The following CAMKK2 variants were observed in gnomAD, a reference collection of about 807,000 sequenced individuals.
The protein encoded by CAMKK2 is calcium/calmodulin dependent protein kinase kinase 2, also known as calcium/calmodulin-dependent protein kinase kinase 2.
In CAMKK2, 30 loss-of-function variants were observed where a neutral mutation model predicts 67.2. The ratio of observed to expected loss-of-function variants is 0.45; its 90% CI spans 0.33 to 0.61. CAMKK2 has a LOEUF of 0.61. Among genes scored for constraint, CAMKK2 ranks in the 20% least tolerant of loss-of-function variants. CAMKK2 has a pLI of 0.02. For missense variants in CAMKK2, 643 were observed against 802.0 expected, an observed-to-expected ratio of 0.80 and a Z score of 2.39; for synonymous variants, 322 against 326.2, an observed-to-expected ratio of 0.99 and a Z score of 0.14.
At chr12:121,269,760 A>G (rs751450961) in intron 3 of CAMKK2, 179 bp from the exon 4 acceptor site, 4 of 604,282 alleles carry the variant, frequency 6.6e-6, no homozygotes, top group Non-Finnish European at 1.2e-5. Context: ...AAAAACAGAA[A>G]GATCTGGGCG....
In CAMKK2 at chr12:121,240,523, C is replaced by T. The variant is rs868684049; in HGVS notation, c.*176G>A. The T allele has an allele frequency of 1.4e-6, 2 of 1,407,096 alleles. No individual in the cohort carries two copies. Among genetic ancestry groups the T allele is most frequent in the Non-Finnish European group, 1.9e-6 (2 of 1,052,364 alleles). The allele number at this position is 1,407,096 out of a possible 1,614,324, so 87.2% of individuals were successfully genotyped here. A position where few individuals can be genotyped will look rare whatever the true frequency, so the allele number is the denominator to read the frequency against. On this transcript the variant is annotated 3_prime_UTR_variant, in exon 17 of 17. Coordinates refer to ENST00000404169, the MANE Select transcript of CAMKK2 (RefSeq NM_001270485.2). The surrounding 1 kb of genome is among the most constrained non-coding windows in gnomAD (Gnocchi z 4.4). ...CACGGTCGACGTCATGGAGTCAAGT[C>T]CTTTTTTTTTTTTTGTCCCCTTTAA... is the stretch of plus-strand genomic sequence containing the variant.
chr12:121,257,948 CAG>C (rs1232088411), intron 7 of CAMKK2, among the ~76,000 whole-genome samples: 4 of 151,784 alleles, frequency 2.6e-5, no homozygotes, highest in Admixed American at 1.3e-4. Flanking sequence ...CAGTCGCTAA[CAG>C]TTCAACCACT....
upstream of CAMKK2, chr12:121,297,629 T>G (rs778991221): frequency 3.3e-5 from 17 of 517,334 alleles, 1 homozygote; most frequent in South Asian, 2.2e-4. Flanking sequence ...GAGGGCTCCC[T>G]GAACCGTCCT....
At chr12:121,250,666 C>T (rs773877885) in intron 11 of CAMKK2, among the ~76,000 whole-genome samples, 23 of 152,166 alleles carry the variant, frequency 1.5e-4, no homozygotes, top group Non-Finnish European at 2.8e-4. Context: ...CGTTATCGTA[C>T]AGATTTGTTT....
Position 121,253,217 on chromosome 12 carries a change from A to G in CAMKK2, c.1107+56T>C, listed in dbSNP as rs1891140092. On this transcript the variant is annotated intron_variant, in intron 10 of 16. Transcript: ENST00000404169. This position sits in a 1 kb window ranked among gnomAD's most constrained non-coding sequence, Gnocchi z 5.0. The stretch of plus-strand genomic sequence containing the variant: ...GTGCGTTGGGTTTCTGCTGCTTACA[A>G]TCCAGAAGACACTAACACAGGCAGA... The G allele has an allele frequency of 2.0e-6, 3 of 1,506,878 alleles. No individual in the cohort carries two copies. The highest frequency in any genetic ancestry group is 2.3e-5 in the East Asian group (1 of 44,264). 93.3% of individuals were successfully genotyped at this position (1,506,878 alleles called of 1,614,324 possible).
intron 2 of CAMKK2, among the ~76,000 whole-genome samples, chr12:121,273,495 A>G (rs1566104399): frequency 1.3e-5 from 2 of 152,044 alleles, no homozygotes; most frequent in Admixed American, 6.6e-5. Context: ...GTCCTGTGAG[A>G]AATGCACAGC....
chr12:121,237,934 C>A lies in CAMKK2; in HGVS notation c.*2765G>T, dbSNP rs995011367. On this transcript the variant is annotated 3_prime_UTR_variant, in exon 17 of 17. Transcript: ENST00000404169. The surrounding 1 kb of genome is among the most constrained non-coding windows in gnomAD (Gnocchi z 4.5). The stretch of plus-strand genomic sequence containing the variant: ...AAATCTGCAGTCCCCAGAAACTCGG[C>A]CTCCAGCTGGAGAGGGGAACCAGCG... 1 of 152,620 alleles carries A rather than the reference C, an allele frequency of 6.6e-6. No individual in the cohort carries two copies. The allele number at this position is 152,620 out of a possible 1,614,324, so 9.5% of individuals were successfully genotyped here. A position where few individuals can be genotyped will look rare whatever the true frequency, so the allele number is the denominator to read the frequency against.
chr12:121,292,775 C>T (rs1434871801), intron 1 of CAMKK2, among the ~76,000 whole-genome samples: 1 of 152,078 alleles, frequency 6.6e-6, no homozygotes, highest in Non-Finnish European at 1.5e-5. Flanking sequence ...CGAGACCAGC[C>T]TGGGCAAAAT....
At chr12:121,269,498 G>A (rs1169953356) in intron 4 of CAMKK2, 30 bp downstream of exon 4, 1 of 1,556,736 alleles carries the variant, frequency 6.4e-7, no homozygotes, top group South Asian at 1.1e-5. Flanking sequence ...GGATAAGGAT[G>A]GGGGCAGGGA....
chr12:121,256,273 G>A (rs1892271415), intron 7 of CAMKK2, among the ~76,000 whole-genome samples: 1 of 152,160 alleles, frequency 6.6e-6, no homozygotes, highest in Non-Finnish European at 1.5e-5. Flanking sequence ...CAGCTACTTG[G>A]GAGGCTGAGG....
chr12:121,293,488 G>GC (rs111931060), intron 1 of CAMKK2, among the ~76,000 whole-genome samples: 34,066 of 151,732 alleles, frequency 0.22, 8,378 homozygotes, highest in African/African-American at 0.62. Flanking sequence ...CATATAAAGA[G>GC]GCTTCCATAA....
intron 13 of CAMKK2, among the ~76,000 whole-genome samples, chr12:121,249,021 T>C (rs555483219): frequency 1.4e-3 from 207 of 152,366 alleles, no homozygotes; most frequent in African/African-American, 4.8e-3. Flanking sequence ...CTTGCCTGGC[T>C]GCCCAAGGAG....
intron 4 of CAMKK2, 152 bp from the exon 5 acceptor site, chr12:121,268,841 C>T: frequency 1.4e-6 from 1 of 708,064 alleles, no homozygotes. Flanking sequence ...GTGAGCCCCT[C>T]ATTACCAGAG....
intron 9 of CAMKK2, among the ~76,000 whole-genome samples, chr12:121,254,760 G>A (rs1315349487): frequency 1.3e-5 from 2 of 152,184 alleles, no homozygotes; most frequent in Admixed American, 1.3e-4. Context: ...GGCTCGCCTG[G>A]ACCATGGCCA....
At chr12:121,293,001 C>T (rs148950708) in intron 1 of CAMKK2, among the ~76,000 whole-genome samples, 3,612 of 151,248 alleles carry the variant, frequency 0.024, 74 homozygotes, top group Non-Finnish European at 0.04. Context: ...AAAAGCTGGG[C>T]GCCGTGGCTC....
intron 6 of CAMKK2, among the ~76,000 whole-genome samples, chr12:121,262,646 A>T (rs1342349408): frequency 1.3e-5 from 2 of 152,032 alleles, no homozygotes; most frequent in Admixed American, 1.3e-4. Flanking sequence ...GTAGCCTCGA[A>T]CTCCTGGGCT....
chr12:121,250,306 A>G (rs1890420476), intron 11 of CAMKK2, among the ~76,000 whole-genome samples: 1 of 152,208 alleles, frequency 6.6e-6, no homozygotes, highest in African/African-American at 2.4e-5. Flanking sequence ...GCTGGGCCTC[A>G]GTTTACCTAC....
intron 5 of CAMKK2, among the ~76,000 whole-genome samples, chr12:121,268,333 T>C (rs1405993040): frequency 3.3e-5 from 5 of 151,968 alleles, no homozygotes; most frequent in Admixed American, 3.3e-4. Context: ...TTTTGAGGAA[T>C]TGCCAGTGTT....
chr12:121,253,170 G>C lies in CAMKK2; in HGVS notation c.1107+103C>G. On this transcript the variant is annotated intron_variant, in intron 10 of 16. Transcript: ENST00000404169. The surrounding 1 kb of genome is among the most constrained non-coding windows in gnomAD (Gnocchi z 5.0). ...CCTACCCCTCAGTATCTTGATCCAG[G>C]GGATTCACTGTTTAAGCCTGTGTGC... is the stretch of plus-strand genomic sequence containing the variant. The C allele has an allele frequency of 1.0e-6, 1 of 976,856 alleles. No individual in the cohort carries two copies. The highest frequency in any genetic ancestry group is 1.6e-6 in the Non-Finnish European group (1 of 630,290). The allele number at this position is 976,856 out of a possible 1,614,324, so 60.5% of individuals were successfully genotyped here.
Sources: allele counts gnomAD v4.1 joint callset (sites outside exome capture counted in the v4.1 genomes callset), GRCh38; gene constraint gnomAD v4.1.1; non-coding constraint Gnocchi (gnomAD v3.1); transcripts MANE v1.5; gene names NCBI Gene and HGNC (gene_info 2026-07-23, HGNC 2026-07-21).